The following LACC1 variants were observed in gnomAD, a reference collection of about 807,000 sequenced individuals.
LACC1 encodes the protein purine nucleoside phosphorylase LACC1.
In LACC1, 25 loss-of-function variants were observed where a neutral mutation model predicts 34.8. The ratio of observed to expected loss-of-function variants is 0.72; its 90% CI spans 0.52 to 1.00. LACC1 has a LOEUF of 1.00. LACC1 is among the 50% of genes least tolerant of loss of function. The pLI, the probability that LACC1 is intolerant of heterozygous loss-of-function variation, is 0.00. For synonymous variants in LACC1, 162 were observed against 168.0 expected (o/e 0.96, Z 0.28); for missense variants, 426 against 511.2 (o/e 0.83, Z 1.61).
chr13:43,882,344 A>G lies in LACC1; in HGVS notation c.722A>G (p.Glu241Gly). 3.7e-6 allele frequency: 6 copies of G among 1,607,600 alleles called. No homozygotes were observed. Among genetic ancestry groups the G allele is most frequent in the African/African-American group, 2.7e-5 (2 of 74,712 alleles). Residue 241 changes from glutamate (E) to glycine (G), a missense_variant, in exon 3 of 7, where the codon GAG becomes GGG. Transcript: ENST00000325686. Reference sequence around the variant, plus strand: ...GCGAATGCTGCAGGATTTAATGTGGAGAAATTTTACCGAATAAAGGTAAAA... The same window carrying G: ...GCGAATGCTGCAGGATTTAATGTGGGGAAATTTTACCGAATAAAGGTAAAA... ...RLANAAGFNV[E>G]KFYRIKTHHS...
chr13:43,890,422 A>G lies in LACC1; in HGVS notation c.*1+148A>G, dbSNP rs1263429907. 6.4e-6 allele frequency: 4 copies of G among 620,354 alleles called. No homozygotes were observed. In the Admixed American group the frequency reaches 1.4e-4, roughly 22 times the overall value. The allele number at this position is 620,354 out of a possible 1,614,324, so 38.4% of individuals were successfully genotyped here. A position where few individuals can be genotyped will look rare whatever the true frequency, so the allele number is the denominator to read the frequency against. The stretch of plus-strand genomic sequence containing the variant: ...TAATTATGTTAAACTTTACTCCTTT[A>G]TTCCTACAGGGAGAATGATGTTTCT... On this transcript the variant is annotated intron_variant, in intron 6 of 6. Transcript: ENST00000325686.
At position 43,881,516 on chromosome 13, in the gene LACC1, A is replaced by G. The variant is rs761722431; in HGVS notation, c.531A>G (p.Lys177=). Residue 177 remains lysine (K), a synonymous_variant, in exon 2 of 7, where the codon AAA becomes AAG. Transcript: ENST00000325686. The stretch of plus-strand genomic sequence containing the variant: ...GAAGTCTGCCAGCACTGAGAGGAAA[A>G]TTAACTATTATCACTTCTTCTTTGA... ...FLRSLPALRG[K]LTIITSSLIP... 6.2e-7 allele frequency: 1 copy of G among 1,608,336 alleles called. No individual in the cohort carries two copies. The highest frequency in any genetic ancestry group is 8.5e-7 in the Non-Finnish European group (1 of 1,178,282).
At chr13:43,888,298 GAAGA>G (rs1481121149) in intron 4 of LACC1, among the ~76,000 whole-genome samples, 1 of 152,134 alleles carries the variant, frequency 6.6e-6, no homozygotes, top group Non-Finnish European at 1.5e-5. Context: ...CTGGTAAAAG[GAAGA>G]AACAAGGAGT....
At chr13:43,879,769 G>GGGGCGAGGTGGGCGAGGT (rs1954849057), upstream of LACC1, 1 of 131,932 alleles carries the variant, frequency 7.6e-6, no homozygotes, top group Admixed American at 7.6e-5. Context: ...GTGGGCGAGG[G>GGGGCGAGGTGGGCGAGGT]GGGCGAGGTG....
intron 4 of LACC1, among the ~76,000 whole-genome samples, chr13:43,885,284 A>G (rs1314871116): frequency 6.6e-6 from 1 of 152,224 alleles, no homozygotes; most frequent in African/African-American, 2.4e-5. Flanking sequence ...ACCAAAAAAG[A>G]GCCCAAATAG....
At chr13:43,881,765 G>C (rs906940305) in intron 2 of LACC1, among the ~76,000 whole-genome samples, 8 of 152,222 alleles carry the variant, frequency 5.3e-5, no homozygotes, top group Non-Finnish European at 8.8e-5. Context: ...AAATAAATTT[G>C]CTTTACAAAA....
rs543773650 is a variant in LACC1 at position 43,893,105 on chromosome 13, T to A, written c.*1658T>A. Reference sequence around the variant, plus strand: ...CATTTGGGAAAAATTGTATATATATTTAATGTAAGTTATCACATTGCATCT... The same window carrying A: ...CATTTGGGAAAAATTGTATATATATATAATGTAAGTTATCACATTGCATCT... On this transcript the variant is annotated 3_prime_UTR_variant, in exon 7 of 7. Transcript: ENST00000325686. 21 of 152,300 alleles carry A rather than the reference T, an allele frequency of 1.4e-4. No individual in the cohort carries two copies. Among genetic ancestry groups the A allele is most frequent in the African/African-American group, 4.8e-4 (20 of 41,582 alleles). 9.4% of individuals were successfully genotyped at this position (152,300 alleles called of 1,614,324 possible).
chr13:43,882,422 CT>C (rs1955112567), intron 3 of LACC1, 59 bp downstream of exon 3: 1 of 1,277,596 alleles, frequency 7.8e-7, no homozygotes, highest in Non-Finnish European at 1.1e-6. Context: ...TTGCTAGTAA[CT>C]ACATGGACTT....
intron 3 of LACC1, among the ~76,000 whole-genome samples, chr13:43,882,564 GAT>G (rs56292789): frequency 0.019 from 2,681 of 139,096 alleles, 68 homozygotes; most frequent in African/African-American, 0.062. Context: ...CACACGTGCA[GAT>G]ATATATATAT....
chr13:43,890,981 A>T (rs60238710), intron 6 of LACC1, among the ~76,000 whole-genome samples: 2 of 152,176 alleles, frequency 1.3e-5, no homozygotes, highest in African/African-American at 4.8e-5. Flanking sequence ...CGAGGGAGCC[A>T]GGCACAGTGG....
At chr13:43,879,220 G>GCCCGCCGTT (rs1412111366), upstream of LACC1, 1 of 152,530 alleles carries the variant, frequency 6.6e-6, no homozygotes, top group Non-Finnish European at 1.5e-5. Context: ...CCCTCACGGT[G>GCCCGCCGTT]CCCGCCGTTC....
chr13:43,885,141 T>C lies in LACC1; in HGVS notation c.907+1205T>C, dbSNP rs138710179. Among the ~76,000 whole-genome samples the C allele has an allele frequency of 5.4e-3, 828 of 152,320 alleles. 3 individuals carry two copies. Among genetic ancestry groups the C allele is most frequent in the Middle Eastern group, 0.024 (7 of 294 alleles). On this transcript the variant is annotated intron_variant, in intron 4 of 6. Coordinates refer to ENST00000325686, the MANE Select transcript of LACC1 (RefSeq NM_153218.4). ...CAAATGGAAAAACATTCCATGCTCA[T>C]GGATAGGAAGAATCAATATTGTTAA...
chr13:43,888,672 C>A (rs541210688), intron 4 of LACC1, 85 bp from the exon 5 acceptor site: 180 of 1,009,270 alleles, frequency 1.8e-4, no homozygotes, highest in Non-Finnish European at 2.4e-4. Flanking sequence ...CAAACTAAAT[C>A]TGCTCACTTT....
At chr13:43,886,248 A>G (rs566085243) in intron 4 of LACC1, among the ~76,000 whole-genome samples, 1 of 152,302 alleles carries the variant, frequency 6.6e-6, no homozygotes, top group African/African-American at 2.4e-5. Flanking sequence ...CAGCAATCCC[A>G]TTACTGGGTA....
intron 4 of LACC1, among the ~76,000 whole-genome samples, chr13:43,884,156 A>G (rs1193420353): frequency 1.3e-5 from 2 of 152,202 alleles, no homozygotes; most frequent in African/African-American, 4.8e-5. Flanking sequence ...GGTGGCACCT[A>G]GGTTGATTCC....
chr13:43,892,955 CTT>C lies in LACC1; in HGVS notation c.*1511_*1512del, dbSNP rs1275597296. On this transcript the variant is annotated 3_prime_UTR_variant, in exon 7 of 7. Transcript: ENST00000325686. ...GGAAGAAGATGCATAGGTGTCAACTCTTTTCTGACAGCATTTACTAGAGAAGA... is the reference window on the plus strand; with the variant it reads ...GGAAGAAGATGCATAGGTGTCAACTCTTCTGACAGCATTTACTAGAGAAGA... The C allele has an allele frequency of 6.6e-6, 1 of 152,192 alleles. No homozygotes were observed. Among genetic ancestry groups the C allele is most frequent in the African/African-American group, 2.4e-5 (1 of 41,452 alleles). 9.4% of individuals were successfully genotyped at this position (152,192 alleles called of 1,614,324 possible).
intron 4 of LACC1, among the ~76,000 whole-genome samples, chr13:43,884,480 T>G (rs1955223179): frequency 6.6e-6 from 1 of 152,234 alleles, no homozygotes; most frequent in Non-Finnish European, 1.5e-5. Context: ...CAGATGGAGC[T>G]GCATGTGTAA....
At chr13:43,884,062 A>C in intron 4 of LACC1, 126 bp downstream of exon 4, 1 of 652,424 alleles carries the variant, frequency 1.5e-6, no homozygotes, top group South Asian at 2.7e-5. Flanking sequence ...TAATGATGGG[A>C]GAGGCGGCAT....
chr13:43,887,605 A>G (rs1456114886), intron 4 of LACC1, among the ~76,000 whole-genome samples: 2 of 152,198 alleles, frequency 1.3e-5, no homozygotes, highest in African/African-American at 2.4e-5. Context: ...TAATTGAAAT[A>G]TAATAGATAT....
Sources: allele counts gnomAD v4.1 joint callset (sites outside exome capture counted in the v4.1 genomes callset), GRCh38; gene constraint gnomAD v4.1.1; transcripts MANE v1.5; gene names NCBI Gene and HGNC (gene_info 2026-07-23, HGNC 2026-07-21).